The following IQSEC1 variants were observed in gnomAD, a reference collection of about 807,000 sequenced individuals.
The protein encoded by IQSEC1 is IQ motif and SEC7 domain-containing protein 1.
A neutral mutation model predicts 91.0 loss-of-function variants in IQSEC1; 31 were observed. The observed-to-expected ratio is 0.34, with a 90% CI of 0.26 to 0.46. The LOEUF is 0.46. Among genes scored for constraint, IQSEC1 ranks in the 20% least tolerant of loss-of-function variants. The pLI, the probability that IQSEC1 is intolerant of heterozygous loss-of-function variation, is 1.00. For synonymous variants in IQSEC1, 699 were observed against 662.6 expected, an observed-to-expected ratio of 1.05 and a Z score of -0.84; for missense variants, 1,388 against 1,575.6, an observed-to-expected ratio of 0.88 and a Z score of 2.02.
intron 1 of IQSEC1, among the ~76,000 whole-genome samples, chr3:12,961,237 G>C (rs1207083780): frequency 6.6e-6 from 1 of 152,256 alleles, no homozygotes; most frequent in African/African-American, 2.4e-5. Context: ...GAGGGCTCCA[G>C]ACGCACCACA....
At chr3:13,261,247 G>A (rs1372042284) in intron 1 of IQSEC1, among the ~76,000 whole-genome samples, 1 of 152,182 alleles carries the variant, frequency 6.6e-6, no homozygotes, top group Non-Finnish European at 1.5e-5. Flanking sequence ...CTTGGCCAAG[G>A]TCACGCCTCC....
At chr3:13,165,537 C>CGTGTGT (rs57239903) in intron 1 of IQSEC1, among the ~76,000 whole-genome samples, 1,673 of 66,434 alleles carry the variant, frequency 0.025, 29 homozygotes, top group Non-Finnish European at 0.028. Context: ...GGGGGGGTGG[C>CGTGTGT]GTGTGTGTGT....
intron 1 of IQSEC1, among the ~76,000 whole-genome samples, chr3:13,244,115 T>G (rs891971629): frequency 6.6e-6 from 1 of 152,236 alleles, no homozygotes; most frequent in Admixed American, 6.5e-5. Flanking sequence ...GTCTGACTCC[T>G]GCAATGTCTG....
intron 1 of IQSEC1, among the ~76,000 whole-genome samples, chr3:12,966,542 ACTCCCTTT>A (rs539419223): frequency 6.6e-6 from 1 of 151,488 alleles, no homozygotes; most frequent in Non-Finnish European, 1.5e-5. Context: ...ATACACACAC[ACTCCCTTT>A]CTCCCTTTCT....
At chr3:13,039,160 G>A (rs1576201742) in intron 1 of IQSEC1, among the ~76,000 whole-genome samples, 3 of 152,216 alleles carry the variant, frequency 2.0e-5, no homozygotes, top group African/African-American at 7.2e-5. Context: ...AGGGCTTGCC[G>A]CCTCCCACAA....
intron 2 of IQSEC1, among the ~76,000 whole-genome samples, chr3:13,084,120 A>G (rs369014449): frequency 1.3e-5 from 2 of 152,266 alleles, no homozygotes; most frequent in Middle Eastern, 3.4e-3. Flanking sequence ...GGAAGGTAGA[A>G]AAAGAAGAGA....
intron 1 of IQSEC1, chr3:13,015,602 G>A (rs953338647): frequency 2.6e-5 from 26 of 985,246 alleles, no homozygotes; most frequent in Middle Eastern, 5.2e-4. Context: ...GGGGGCGGAG[G>A]TGTCCCTGGA....
At chr3:13,040,023 G>C (rs1425902682) in intron 1 of IQSEC1, among the ~76,000 whole-genome samples, 2 of 152,214 alleles carry the variant, frequency 1.3e-5, no homozygotes, top group Non-Finnish European at 2.9e-5. Context: ...CGCAGAGTTG[G>C]TGCTCAGAAT....
chr3:13,016,472 A>G (rs1440726251), intron 1 of IQSEC1, among the ~76,000 whole-genome samples: 1 of 152,198 alleles, frequency 6.6e-6, no homozygotes, highest in African/African-American at 2.4e-5. Flanking sequence ...AAGCACAGCA[A>G]TGTTACCCAG....
chr3:12,947,685 G>A (rs1054502056), intron 1 of IQSEC1, among the ~76,000 whole-genome samples: 1 of 152,184 alleles, frequency 6.6e-6, no homozygotes, highest in Admixed American at 6.5e-5. Context: ...CAAGGACAGG[G>A]CCAGAGAGCA....
chr3:13,001,492 C>T (rs1170007044), intron 1 of IQSEC1, among the ~76,000 whole-genome samples: 1 of 152,222 alleles, frequency 6.6e-6, no homozygotes, highest in African/African-American at 2.4e-5. Flanking sequence ...GTGGTAAACG[C>T]TGCTACACTG....
intron 1 of IQSEC1, among the ~76,000 whole-genome samples, chr3:13,049,683 TTCCTTTCCTGTTTCCC>T (rs1309271552): frequency 2.0e-5 from 3 of 152,198 alleles, no homozygotes; most frequent in African/African-American, 7.2e-5. Flanking sequence ...TTCTTCCTTC[TTCCTTTCCTGTTTCCC>T]TCCTTTCCTT....
chr3:13,099,668 A>G (rs189344056), intron 2 of IQSEC1, among the ~76,000 whole-genome samples: 3 of 152,298 alleles, frequency 2.0e-5, no homozygotes, highest in Non-Finnish European at 4.4e-5. Context: ...GGGTTTTAGG[A>G]AAACAGCCAT....
At chr3:13,173,288 C>T (rs988963793) in intron 1 of IQSEC1, among the ~76,000 whole-genome samples, 9 of 152,240 alleles carry the variant, frequency 5.9e-5, no homozygotes, top group African/African-American at 1.4e-4. Flanking sequence ...ATGCTGCTCC[C>T]GGCTCTGAGT....
intron 1 of IQSEC1, among the ~76,000 whole-genome samples, chr3:12,973,426 G>C (rs1475535507): frequency 1.3e-5 from 2 of 152,154 alleles, no homozygotes. Context: ...CCCAGGCAGA[G>C]CAAGAACCCC....
intron 1 of IQSEC1, among the ~76,000 whole-genome samples, chr3:13,258,798 G>A (rs1695333580): frequency 6.6e-6 from 1 of 152,148 alleles, no homozygotes; most frequent in Non-Finnish European, 1.5e-5. Context: ...AGCCTCTCAC[G>A]CTGCGAATCG....
At chr3:13,092,393 G>A (rs958346311) in intron 2 of IQSEC1, among the ~76,000 whole-genome samples, 1 of 152,094 alleles carries the variant, frequency 6.6e-6, no homozygotes, top group Non-Finnish European at 1.5e-5. Context: ...AACACGCCCC[G>A]GCTGACCACG....
rs140126531 is a variant in IQSEC1, at chr3:13,041,521, G to A, written c.23+31471C>T. 4.6e-4 allele frequency among the ~76,000 whole-genome samples: 70 copies of A among 152,324 alleles called. 1 individual carries two copies. Among genetic ancestry groups the A allele is most frequent in the African/African-American group, 1.4e-3 (59 of 41,580 alleles). On this transcript the variant is annotated intron_variant, in intron 1 of 13. Coordinates refer to ENST00000613206, the MANE Select transcript of IQSEC1 (RefSeq NM_001134382.3). ...AAACTAATTCCCTCAGAATAGACGG[G>A]ACAATTCCCTCCTCCAGGTCTTTAA... is the stretch of plus-strand genomic sequence containing the variant.
At chr3:13,262,930 A>C (rs1695414197) in intron 1 of IQSEC1, among the ~76,000 whole-genome samples, 1 of 152,078 alleles carries the variant, frequency 6.6e-6, no homozygotes, top group African/African-American at 2.4e-5. Context: ...GCAGAGTTTC[A>C]GTGTGGGAGG....
Sources: allele counts gnomAD v4.1 joint callset (sites outside exome capture counted in the v4.1 genomes callset), GRCh38; gene constraint gnomAD v4.1.1; transcripts MANE v1.5; gene names NCBI Gene and HGNC (gene_info 2026-07-23, HGNC 2026-07-21).